Variants in CACNA1C observed in about 807,000 individuals in gnomAD.
CACNA1C encodes the protein calcium voltage-gated channel subunit alpha1 C, also known as voltage-dependent L-type calcium channel subunit alpha-1C.
A neutral mutation model predicts 229.0 loss-of-function variants in CACNA1C; 30 were observed. The observed-to-expected ratio is 0.13, with a 90% CI of 0.10 to 0.18. The LOEUF is 0.18. Among genes scored for constraint, CACNA1C ranks in the 10% least tolerant of loss-of-function variants. The pLI is 1.00. For missense variants in CACNA1C, 1,658 were observed against 2,845.0 expected (o/e 0.58, Z 9.49); for synonymous variants, 1,114 against 1,132.5 (o/e 0.98, Z 0.33).
At chr12:2,294,329 C>T (rs1302209078) in intron 3 of CACNA1C, among the ~76,000 whole-genome samples, 1 of 151,666 alleles carries the variant, frequency 6.6e-6, no homozygotes, top group Non-Finnish European at 1.5e-5. Context: ...GCATGAGGCA[C>T]GGGTACGGTT....
intron 3 of CACNA1C, among the ~76,000 whole-genome samples, chr12:2,386,103 A>G (rs926731388): frequency 3.3e-5 from 5 of 152,208 alleles, no homozygotes; most frequent in African/African-American, 1.2e-4. Flanking sequence ...TGGAAATACT[A>G]TATAATGGTG....
In CACNA1C at chr12:2,181,169, C is replaced by T. The variant is rs749043028; in HGVS notation, c.477+60739C>T. ...GTGGACAGGAGAGCCCAGTCCGTGA[C>T]GGCGGTAACAATGATCATTACTACC... On this transcript the variant is annotated intron_variant, in intron 3 of 46. Transcript: ENST00000399655. This position sits in a 1 kb window ranked among gnomAD's most constrained non-coding sequence, Gnocchi z 4.0. 1.1e-4 allele frequency among the ~76,000 whole-genome samples: 17 copies of T among 152,272 alleles called. No individual in the cohort carries two copies. Among genetic ancestry groups the T allele is most frequent in the Non-Finnish European group, 2.2e-4 (15 of 68,018 alleles).
chr12:2,532,733 T>C (rs540915103), intron 9 of CACNA1C, among the ~76,000 whole-genome samples: 2 of 152,316 alleles, frequency 1.3e-5, no homozygotes, highest in East Asian at 3.9e-4. Flanking sequence ...CTTCCAGGTT[T>C]CCTGGGCCAC....
At chr12:2,623,060 A>G (rs2084231922) in intron 29 of CACNA1C, among the ~76,000 whole-genome samples, 1 of 152,202 alleles carries the variant, frequency 6.6e-6, no homozygotes, top group Admixed American at 6.5e-5. Context: ...GCAGGAGCCC[A>G]GGCCTTCGTC....
chr12:2,392,181 C>A (rs142555929), intron 3 of CACNA1C, among the ~76,000 whole-genome samples: 1 of 151,944 alleles, frequency 6.6e-6, no homozygotes. Context: ...AGGCATTGAC[C>A]GATAATAAAT....
At chr12:1,993,737 C>T (rs1432562519) in intron 1 of CACNA1C, among the ~76,000 whole-genome samples, 1 of 151,758 alleles carries the variant, frequency 6.6e-6, no homozygotes, top group Non-Finnish European at 1.5e-5. Flanking sequence ...ACATTACTGA[C>T]TTTTAAAGAA....
intron 1 of CACNA1C, chr12:2,004,251 G>C (rs764628056): frequency 6.2e-7 from 1 of 1,611,640 alleles, no homozygotes; most frequent in South Asian, 1.1e-5. Flanking sequence ...CCCAACCCTG[G>C]GCTGCACTGC....
At chr12:2,399,989 G>A (rs1371267667) in intron 3 of CACNA1C, among the ~76,000 whole-genome samples, 1 of 152,204 alleles carries the variant, frequency 6.6e-6, no homozygotes, top group Admixed American at 6.5e-5. Flanking sequence ...GATTTAGACA[G>A]TGAGTCTTAC....
intron 3 of CACNA1C, among the ~76,000 whole-genome samples, chr12:2,429,707 AGGGG>A (rs2099064669): frequency 6.6e-6 from 1 of 152,142 alleles, no homozygotes; most frequent in Non-Finnish European, 1.5e-5. Context: ...GAAATTTGCA[AGGGG>A]TGCTTGGAGC....
chr12:2,189,849 C>T (rs1267051407), intron 3 of CACNA1C, among the ~76,000 whole-genome samples: 2 of 152,072 alleles, frequency 1.3e-5, no homozygotes, highest in Non-Finnish European at 2.9e-5. Flanking sequence ...TTATCTACAG[C>T]AAAAGAAGAT....
At chr12:1,985,524 C>A (rs2037447889) in intron 1 of CACNA1C, among the ~76,000 whole-genome samples, 1 of 152,182 alleles carries the variant, frequency 6.6e-6, no homozygotes. Context: ...TTTTACCTCA[C>A]AGAGCATGGT....
Position 2,493,107 on chromosome 12 carries a change from C to A in CACNA1C, c.917-83C>A. ...GCCCATCCCATCAACCTCATCCTGT[C>A]ACTTTTCTCTCTGACTTCTTTCTCT... On this transcript the variant is annotated intron_variant, in intron 6 of 46. Coordinates refer to ENST00000399655, the MANE Select transcript of CACNA1C (RefSeq NM_000719.7). The surrounding 1 kb of genome is among the most constrained non-coding windows in gnomAD (Gnocchi z 4.6). 1.6e-6 allele frequency: 2 copies of A among 1,212,560 alleles called. No individual in the cohort carries two copies. The highest frequency in any genetic ancestry group is 2.4e-6 in the Non-Finnish European group (2 of 830,066). The allele number at this position is 1,212,560 out of a possible 1,614,324, so 75.1% of individuals were successfully genotyped here. A position where few individuals can be genotyped will look rare whatever the true frequency, so the allele number is the denominator to read the frequency against.
intron 3 of CACNA1C, among the ~76,000 whole-genome samples, chr12:2,329,511 C>G (rs1253351922): frequency 1.3e-5 from 2 of 152,154 alleles, no homozygotes; most frequent in Non-Finnish European, 2.9e-5. Context: ...TTCCTTTGTG[C>G]CTCTTGTCAA....
At chr12:2,471,225 A>T (rs182209515) in intron 5 of CACNA1C, among the ~76,000 whole-genome samples, 1 of 152,330 alleles carries the variant, frequency 6.6e-6, no homozygotes, top group Admixed American at 6.5e-5. Context: ...AATAACCTTA[A>T]AATCATAGAA....
chr12:2,437,713 A>C (rs981188476), intron 3 of CACNA1C, among the ~76,000 whole-genome samples: 6 of 149,448 alleles, frequency 4.0e-5, no homozygotes, highest in African/African-American at 1.5e-4. Context: ...CAATGATGGT[A>C]ATGGTAGAGG....
upstream of CACNA1C, chr12:2,052,982 C>T: frequency 1.0e-6 from 1 of 982,758 alleles, no homozygotes; most frequent in Non-Finnish European, 1.2e-6. Context: ...TCTCGCGCGC[C>T]CGGTGTCTCC....
chr12:2,671,317 C>T (rs2096560293), intron 38 of CACNA1C, among the ~76,000 whole-genome samples: 1 of 152,176 alleles, frequency 6.6e-6, no homozygotes, highest in Non-Finnish European at 1.5e-5. Context: ...CCGGCCAAAA[C>T]ACACATTTAA....
In CACNA1C at chr12:2,067,479, T is replaced by TGC. The variant is rs1555107795; in HGVS notation, c.49+13869_49+13870insCG. On this transcript the variant is annotated intron_variant, in intron 1 of 46. Transcript: ENST00000399655. This position sits in a 1 kb window ranked among gnomAD's most constrained non-coding sequence, Gnocchi z 5.3. ...GTGTGTGTGTGTGTGTGTGTGTGTG[T>TGC]GTGCGCGCGTGTGCGTGCCTGTATG... 1.8e-4 allele frequency among the ~76,000 whole-genome samples: 23 copies of TGC among 127,056 alleles called. No individual in the cohort carries two copies. Among genetic ancestry groups the TGC allele is most frequent in the South Asian group, 5.3e-4 (2 of 3,768 alleles). 83.4% of individuals were successfully genotyped at this position (127,056 alleles called of 152,430 possible).
At position 1,982,082 on chromosome 12, in the gene CACNA1C, C is replaced by T. The variant is rs562492948; in HGVS notation, c.139+10881C>T. Among the ~76,000 whole-genome samples the T allele has an allele frequency of 2.6e-5, 4 of 152,044 alleles. No individual in the cohort carries two copies. In the South Asian group the frequency reaches 6.2e-4, roughly 24 times the overall value. ...TGAGAAGGAAAGCAAATTAATTAGG[C>T]TTGTGCTACAGGAAGATAAATCCAG... On this transcript the variant is annotated intron_variant, in intron 1 of 46. Coordinates refer to the CACNA1C transcript ENST00000682462.
Sources: gnomAD v4.1 joint callset for allele counts (sites outside exome capture counted in the v4.1 genomes callset) on GRCh38, gnomAD v4.1.1 for gene constraint, Gnocchi (gnomAD v3.1) non-coding constraint, MANE v1.5 for transcripts, NCBI Gene and HGNC (gene_info 2026-07-23, HGNC 2026-07-21) for gene names.